The following HS6ST2 variants were observed in gnomAD, a reference collection of about 807,000 sequenced individuals.
HS6ST2 encodes heparan sulfate 6-O-sulfotransferase 2, also known as heparan-sulfate 6-O-sulfotransferase 2.
A neutral mutation model predicts 33.0 loss-of-function variants in HS6ST2; 17 were observed. That is an observed-to-expected ratio of 0.52 (90% CI 0.35 to 0.77). HS6ST2 has a LOEUF of 0.77. HS6ST2 is among the 30% of genes least tolerant of loss of function. The probability of loss-of-function intolerance (pLI) is 0.01; values close to 1 mark genes in which losing one functional copy is unlikely to be tolerated. For synonymous variants in HS6ST2, 248 were observed against 237.1 expected (o/e 1.05, Z -0.42); for missense variants, 519 against 551.7 (o/e 0.94, Z 0.59).
At chrX:132,793,352 G>T (rs140204551) in intron 2 of HS6ST2, among the ~76,000 whole-genome samples, 1 of 110,364 alleles carries the variant, frequency 9.1e-6, no homozygotes, top group Non-Finnish European at 1.9e-5. Context: ...GAGCCACTGC[G>T]CCCAGCCCAA....
intron 2 of HS6ST2, among the ~76,000 whole-genome samples, chrX:132,805,660 T>C: frequency 9.1e-6 from 1 of 110,165 alleles, no homozygotes. Flanking sequence ...AGACACAAGA[T>C]GAATCTGAGG....
chrX:132,776,078 G>A (rs1569489505), intron 2 of HS6ST2, among the ~76,000 whole-genome samples: 1 of 105,388 alleles, frequency 9.5e-6, no homozygotes. Context: ...TGAAAAAAAA[G>A]TTTTTTCCAG....
At chrX:132,672,151 T>C (rs1234638569) in intron 3 of HS6ST2, among the ~76,000 whole-genome samples, 1 of 111,389 alleles carries the variant, frequency 9.0e-6, no homozygotes. Flanking sequence ...GCAGACTGTC[T>C]GGGAACTTCA....
intron 2 of HS6ST2, among the ~76,000 whole-genome samples, chrX:132,731,145 A>T (rs928632108): frequency 2.7e-5 from 3 of 112,097 alleles, no homozygotes; most frequent in Non-Finnish European, 5.6e-5. Context: ...CCTGACTCTC[A>T]TGCTCCCATG....
At chrX:132,678,870 CA>C (rs2148216095) in intron 3 of HS6ST2, among the ~76,000 whole-genome samples, 1 of 112,320 alleles carries the variant, frequency 8.9e-6, no homozygotes, top group African/African-American at 3.2e-5. Flanking sequence ...TAACTTAAAC[CA>C]ATCTACTTCG....
intron 2 of HS6ST2, among the ~76,000 whole-genome samples, chrX:132,842,242 T>C (rs1446056017): frequency 9.0e-6 from 1 of 111,518 alleles, no homozygotes; most frequent in Non-Finnish European, 1.9e-5. Flanking sequence ...CCTGACAAGG[T>C]TTTCCACCTC....
intron 3 of HS6ST2, among the ~76,000 whole-genome samples, chrX:132,704,742 TCA>T (rs2064174952): frequency 1.8e-5 from 2 of 111,716 alleles, no homozygotes; most frequent in African/African-American, 6.5e-5. Context: ...TAACAGAAAT[TCA>T]CAGTTTATCT....
intron 3 of HS6ST2, among the ~76,000 whole-genome samples, chrX:132,690,343 T>C (rs914608195): frequency 1.8e-5 from 2 of 112,107 alleles, no homozygotes; most frequent in Non-Finnish European, 3.8e-5. Flanking sequence ...GCAACTTCCC[T>C]AGGAAATGGA....
rs768538832 is a variant in HS6ST2, at chrX:132,628,507, G to A, written c.1654C>T (p.Arg552Ter). The part of the protein sequence containing the change: ...MRQKEHQEAR[R>*]KRQEQRKFLK... ...AATTTGCGTTGTTCCTGACGCTTTC[G>A]CCTGGCCTCCTGATGCTCTTTCTGC... The change falls in exon 5 of 5, where the codon CGA (arginine) becomes TGA (stop). Residue 552 changes from arginine (R) to a stop codon, truncating the protein, a stop_gained. Coordinates refer to ENST00000370833, the MANE Select transcript of HS6ST2 (RefSeq NM_001394073.1). LOFTEE classifies it high-confidence loss of function. The A allele has an allele frequency of 5.8e-6, 7 of 1,208,933 alleles. No individual in the cohort carries two copies. The highest frequency in any genetic ancestry group is 5.3e-5 in the South Asian group (3 of 56,736).
At chrX:132,862,451 A>T (rs912823199) in intron 2 of HS6ST2, among the ~76,000 whole-genome samples, 3 of 112,199 alleles carry the variant, frequency 2.7e-5, no homozygotes, top group Non-Finnish European at 3.8e-5. Flanking sequence ...TTGCTCTGCC[A>T]TTTGCAAGTT....
rs755056105 is a variant in HS6ST2 at position 132,901,987 on chromosome X, G to A, written c.947+54821C>T. ...AGATTTAATGTTGTTGAAGGAGTACGGAGGGCACTGAGAAAAAGGCCACTG... is the reference window on the plus strand; with the variant it reads ...AGATTTAATGTTGTTGAAGGAGTACAGAGGGCACTGAGAAAAAGGCCACTG... On this transcript the variant is annotated intron_variant, in intron 2 of 4. Coordinates refer to ENST00000370833, the MANE Select transcript of HS6ST2 (RefSeq NM_001394073.1). 9.0e-5 allele frequency among the ~76,000 whole-genome samples: 10 copies of A among 111,243 alleles called. No homozygotes were observed. The South Asian group carries it at 1.2e-3, about 13-fold the overall frequency.
In HS6ST2 at chrX:132,958,519, G is replaced by C; in HGVS notation, c.84C>G (p.Pro28=). The change falls in exon 1 of 5, where the codon CCC becomes CCG. Residue 28 remains proline (P), a synonymous_variant. Transcript: ENST00000370833. ...CGGCCTCTACTCTGGAATGCCGGCGGGGACAGGTGGTGCGGACGGGCGCTC... is the reference window on the plus strand; with the variant it reads ...CGGCCTCTACTCTGGAATGCCGGCGCGGACAGGTGGTGCGGACGGGCGCTC... ...ERGAPVRTTC[P]RRHSRVEAEL... 1.7e-6 allele frequency: 2 copies of C among 1,188,223 alleles called. No homozygotes were observed. The highest frequency in any genetic ancestry group is 3.1e-5 in the East Asian group (1 of 32,569).
chrX:132,943,885 A>G (rs1256773925), intron 2 of HS6ST2, among the ~76,000 whole-genome samples: 4 of 111,711 alleles, frequency 3.6e-5, no homozygotes, highest in African/African-American at 1.3e-4. Flanking sequence ...ATTTATGACA[A>G]ACCCACAGCC....
At chrX:132,723,085 G>T (rs924948268) in intron 2 of HS6ST2, among the ~76,000 whole-genome samples, 2 of 111,148 alleles carry the variant, frequency 1.8e-5, no homozygotes, top group Non-Finnish European at 3.8e-5. Context: ...AGAAGAAATG[G>T]ACAAATTCCT....
At chrX:132,867,774 G>A (rs1048277099) in intron 2 of HS6ST2, among the ~76,000 whole-genome samples, 11 of 111,562 alleles carry the variant, frequency 9.9e-5, no homozygotes, top group Admixed American at 1.9e-4. Context: ...TTACAACAGC[G>A]CCTGAAGGAA....
At chrX:132,837,912 A>G (rs1199487556) in intron 2 of HS6ST2, among the ~76,000 whole-genome samples, 1 of 112,032 alleles carries the variant, frequency 8.9e-6, no homozygotes, top group Non-Finnish European at 1.9e-5. Context: ...TGAACAATTA[A>G]CATGAGACGC....
chrX:132,927,528 C>T (rs918669214), intron 2 of HS6ST2, among the ~76,000 whole-genome samples: 1 of 111,828 alleles, frequency 8.9e-6, no homozygotes, highest in Non-Finnish European at 1.9e-5. Flanking sequence ...CCCATAAGTA[C>T]AAGCAACACT....
At chrX:132,772,250 T>C (rs1175839795) in intron 2 of HS6ST2, among the ~76,000 whole-genome samples, 1 of 111,433 alleles carries the variant, frequency 9.0e-6, no homozygotes, top group Non-Finnish European at 1.9e-5. Flanking sequence ...GCACAGATGC[T>C]GTGAAATGAC....
chrX:132,697,835 T>C (rs2064114079), intron 3 of HS6ST2, among the ~76,000 whole-genome samples: 1 of 112,037 alleles, frequency 8.9e-6, no homozygotes, highest in Non-Finnish European at 1.9e-5. Context: ...TCCCAGTGCC[T>C]GGCAGAGTAG....
Sources: gnomAD v4.1 joint callset for allele counts (sites outside exome capture counted in the v4.1 genomes callset) on GRCh38, gnomAD v4.1.1 for gene constraint, MANE v1.5 for transcripts, NCBI Gene and HGNC (gene_info 2026-07-23, HGNC 2026-07-21) for gene names.